Variants in TJP1 observed in about 807,000 individuals in gnomAD.
TJP1 encodes the protein tight junction protein ZO-1.
A neutral mutation model predicts 194.2 loss-of-function variants in TJP1; 43 were observed. The observed-to-expected ratio is 0.22, with a 90% CI of 0.17 to 0.29. The LOEUF (loss-of-function observed/expected upper bound fraction) is 0.29, where lower values mean the gene tolerates loss of function less well. Ranked by LOEUF, TJP1 falls within the 10% of genes least tolerant of loss-of-function variation. The pLI, the probability that TJP1 is intolerant of heterozygous loss-of-function variation, is 1.00. For synonymous variants in TJP1, 801 were observed against 779.0 expected (o/e 1.03, Z -0.47); for missense variants, 1,971 against 2,185.7 (o/e 0.90, Z 1.96).
chr15:29,860,209 A>G (rs141896085), intron 2 of TJP1, among the ~76,000 whole-genome samples: 278 of 152,222 alleles, frequency 1.8e-3, no homozygotes, highest in African/African-American at 6.4e-3. Flanking sequence ...CTGACTCAGG[A>G]GTAAGCGCTT....
At chr15:29,857,112 C>A (rs990435066) in intron 2 of TJP1, among the ~76,000 whole-genome samples, 4 of 151,972 alleles carry the variant, frequency 2.6e-5, no homozygotes, top group African/African-American at 9.7e-5. Context: ...TGGGACAATC[C>A]CCCATATATA....
intron 2 of TJP1, among the ~76,000 whole-genome samples, chr15:29,871,327 A>G (rs2052510010): frequency 6.6e-6 from 1 of 152,274 alleles, no homozygotes; most frequent in South Asian, 2.1e-4. Context: ...ATGGGAAAAT[A>G]TATACAGTTG....
In TJP1 at chr15:29,712,549, TAAAGG is replaced by T. The variant is rs561355932; in HGVS notation, c.4203-1554_4203-1550del. On this transcript the variant is annotated intron_variant, in intron 23 of 27. Transcript: ENST00000614355. ...CACCATTTCACCATAATTTGGTCTA[TAAAGG>T]AACATATCACTAACTCTCATTTGGC... Among the ~76,000 whole-genome samples the T allele has an allele frequency of 1.5e-4, 23 of 152,328 alleles. No homozygotes were observed. The East Asian group carries it at 2.3e-3, about 15-fold the overall frequency.
chr15:29,809,192 T>C (rs2049319356), intron 1 of TJP1, among the ~76,000 whole-genome samples: 1 of 152,220 alleles, frequency 6.6e-6, no homozygotes, highest in Admixed American at 6.5e-5. Context: ...TAATTTTATA[T>C]CATTGCATGC....
At chr15:29,821,857 CG>C (rs2050389944) in intron 1 of TJP1, 144 bp downstream of exon 1, 1 of 796,086 alleles carries the variant, frequency 1.3e-6, no homozygotes, top group Non-Finnish European at 1.5e-6. Flanking sequence ...GCCCGCGGCC[CG>C]CGGCCCCGCG....
chr15:29,733,110 T>C lies in TJP1; in HGVS notation c.1720A>G (p.Ile574Val), dbSNP rs981253218. ...CATTCATACCTGTTCTTATTAGGGATGATGCCTCGTTCTACCTCCTTATGA... is the reference window on the plus strand; with the variant it reads ...CATTCATACCTGTTCTTATTAGGGACGATGCCTCGTTCTACCTCCTTATGA... ...KNHKEVERGIIPNKNRAEQLA... is the reference protein window; with the variant it reads ...KNHKEVERGIVPNKNRAEQLA... Residue 574 changes from isoleucine (I) to valine (V), a missense_variant, in exon 13 of 28, where the codon ATC (isoleucine) becomes GTC (valine). Physicochemically the swap from Ile to Val is conservative, Grantham distance 29. Transcript: ENST00000614355. The C allele has an allele frequency of 1.9e-6, 3 of 1,613,918 alleles. No individual in the cohort carries two copies. Among genetic ancestry groups the C allele is most frequent in the Non-Finnish European group, 2.5e-6 (3 of 1,179,968 alleles).
chr15:29,879,489 T>G (rs1445135761), intron 2 of TJP1, among the ~76,000 whole-genome samples: 1 of 152,206 alleles, frequency 6.6e-6, no homozygotes, highest in Non-Finnish European at 1.5e-5. Context: ...ATTTTGAATA[T>G]TTCTTAGGTT....
At chr15:29,746,363 G>C (rs958555732) in intron 8 of TJP1, among the ~76,000 whole-genome samples, 1 of 151,470 alleles carries the variant, frequency 6.6e-6, no homozygotes, top group African/African-American at 2.4e-5. Context: ...GGACGACAGA[G>C]TGAGACTCCG....
intron 2 of TJP1, among the ~76,000 whole-genome samples, chr15:29,786,129 A>G (rs1178659450): frequency 6.6e-6 from 1 of 152,212 alleles, no homozygotes; most frequent in African/African-American, 2.4e-5. Flanking sequence ...ATGCTGTTCA[A>G]TCTTCTATGA....
rs961810059 is a variant in TJP1, at chr15:29,822,205, G to T, written c.-177C>A. 2 of 1,179,242 alleles carry T rather than the reference G, an allele frequency of 1.7e-6. No individual in the cohort carries two copies. The highest frequency in any genetic ancestry group is 4.6e-5 in the Admixed American group (1 of 21,848). The allele number at this position is 1,179,242 out of a possible 1,614,324, so 73.0% of individuals were successfully genotyped here. A position where few individuals can be genotyped will look rare whatever the true frequency, so the allele number is the denominator to read the frequency against. On this transcript the variant is annotated 5_prime_UTR_variant, in exon 1 of 28. Coordinates refer to ENST00000614355, the MANE Select transcript of TJP1 (RefSeq NM_001330239.4). ...GGGAATTCAACTCGGACAAAAGTCC[G>T]GGAAGCGCCCGCCCCGCCCGGGTCT...
intron 2 of TJP1, among the ~76,000 whole-genome samples, chr15:29,776,049 T>C (rs2046996446): frequency 6.6e-6 from 1 of 152,288 alleles, no homozygotes; most frequent in East Asian, 1.9e-4. Context: ...GAAGCAAGTA[T>C]AATACTGACA....
At chr15:29,904,093 T>C (rs768736607) in intron 2 of TJP1, among the ~76,000 whole-genome samples, 3 of 151,900 alleles carry the variant, frequency 2.0e-5, no homozygotes, top group African/African-American at 4.8e-5. Context: ...CCTGGATCCA[T>C]AGATGTGTTT....
At chr15:29,831,420 G>C (rs2152045708) in intron 2 of TJP1, among the ~76,000 whole-genome samples, 1 of 152,290 alleles carries the variant, frequency 6.6e-6, no homozygotes, top group East Asian at 1.9e-4. Context: ...AAGGATTCCT[G>C]CCAAAAAGTG....
At chr15:29,720,782 G>C in intron 18 of TJP1, 74 bp from the exon 19 acceptor site, 2 of 1,130,442 alleles carry the variant, frequency 1.8e-6, no homozygotes, top group South Asian at 1.7e-5. Flanking sequence ...GTACAAGGCA[G>C]ATTGAAAAGG....
At chr15:29,808,620 G>C (rs1203241791) in intron 1 of TJP1, among the ~76,000 whole-genome samples, 1 of 152,112 alleles carries the variant, frequency 6.6e-6, no homozygotes, top group Non-Finnish European at 1.5e-5. Flanking sequence ...AGTGCTGGCA[G>C]AACTCATTAT....
At chr15:29,837,755 C>G (rs950347623) in intron 2 of TJP1, among the ~76,000 whole-genome samples, 1 of 152,198 alleles carries the variant, frequency 6.6e-6, no homozygotes, top group African/African-American at 2.4e-5. Context: ...CCCCATGACA[C>G]AGTGGGATAT....
intron 8 of TJP1, among the ~76,000 whole-genome samples, chr15:29,746,377 CAAAA>C (rs527673578): frequency 8.3e-6 from 1 of 120,418 alleles, no homozygotes; most frequent in African/African-American, 3.1e-5. Context: ...GACTCCGTCT[CAAAA>C]AAAAAAAAAG....
At position 29,863,889 on chromosome 15, in the gene TJP1, T is replaced by C. The variant is rs533653951; in HGVS notation, c.307-63187A>G. On this transcript the variant is annotated intron_variant, in intron 2 of 28. Coordinates refer to the TJP1 transcript ENST00000356107. ...TCTCATGGAAGTAACAAAAAGTACA[T>C]AGTCTTTTAAAATGTCTTGGGAGCT... Among the ~76,000 whole-genome samples the C allele has an allele frequency of 4.6e-5, 7 of 152,188 alleles. No homozygotes were observed. In the South Asian group the frequency reaches 8.3e-4, roughly 18 times the overall value.
At chr15:29,704,140 G>A (rs1291887175) in intron 27 of TJP1, 22 bp downstream of exon 27, 16 of 1,549,640 alleles carry the variant, frequency 1.0e-5, no homozygotes, top group African/African-American at 1.4e-5. Context: ...AGCTCCCAAA[G>A]GACAGAGTGA....
Sources: allele counts gnomAD v4.1 joint callset (sites outside exome capture counted in the v4.1 genomes callset), GRCh38; gene constraint gnomAD v4.1.1; transcripts MANE v1.5; gene names NCBI Gene and HGNC (gene_info 2026-07-23, HGNC 2026-07-21).